The following DOCK7 variants were observed in gnomAD, a reference collection of about 807,000 sequenced individuals.
The protein encoded by DOCK7 is dedicator of cytokinesis protein 7.
Under a neutral mutation model 271.0 loss-of-function variants are expected in DOCK7, and 138 were observed. The ratio of observed to expected loss-of-function variants is 0.51; its 90% CI spans 0.44 to 0.59. The LOEUF (loss-of-function observed/expected upper bound fraction) is 0.59. DOCK7 is among the 20% of genes least tolerant of loss of function. The pLI is 0.00. For missense variants in DOCK7, 2,066 were observed against 2,592.4 expected, an observed-to-expected ratio of 0.80 and a Z score of 4.41; for synonymous variants, 823 against 876.1, an observed-to-expected ratio of 0.94 and a Z score of 1.07.
intron 14 of DOCK7, among the ~76,000 whole-genome samples, chr1:62,610,297 C>T (rs1024485562): frequency 1.3e-5 from 2 of 151,968 alleles, no homozygotes; most frequent in Non-Finnish European, 2.9e-5. Context: ...AAAACCAATA[C>T]TTTCTGAAGC....
At chr1:62,557,451 C>T (rs1312322519) in intron 20 of DOCK7, among the ~76,000 whole-genome samples, 2 of 151,378 alleles carry the variant, frequency 1.3e-5, no homozygotes, top group Non-Finnish European at 2.9e-5. Context: ...TTTTGCCCTA[C>T]TCAACCCTGC....
chr1:62,555,993 T>C lies in DOCK7; in HGVS notation c.2432-4A>G, dbSNP rs1404106676. On this transcript the variant is annotated splice_region_variant and splice_polypyrimidine_tract_variant and intron_variant, in intron 20 of 49. Transcript: ENST00000635253. The stretch of plus-strand genomic sequence containing the variant: ...AAAGATGCTTGACCTAGGTTAACTT[T>C]TAAGAAAGAAGAAGTATTTACCTTT... 4 of 1,612,124 alleles carry C rather than the reference T, an allele frequency of 2.5e-6. No homozygotes were observed. Among genetic ancestry groups the C allele is most frequent in the Admixed American group, 1.7e-5 (1 of 59,516 alleles).
At chr1:62,549,862 C>T (rs535486960) in intron 22 of DOCK7, among the ~76,000 whole-genome samples, 6 of 152,266 alleles carry the variant, frequency 3.9e-5, no homozygotes, top group South Asian at 2.1e-4. Flanking sequence ...ATTCTACTCT[C>T]CATCTCCATG....
chr1:62,644,357 T>G (rs1234181592), intron 7 of DOCK7, among the ~76,000 whole-genome samples: 4 of 152,246 alleles, frequency 2.6e-5, no homozygotes, highest in African/African-American at 9.6e-5. Flanking sequence ...AGAGCCGAAG[T>G]TGCAGCAAAC....
chr1:62,528,198 A>C lies in DOCK7; in HGVS notation c.3889T>G (p.Ser1297Ala). ...CCAGGCCTTGTTAGTTGAGGGACCG[A>C]TGTCCCTGCGATTGCCATGGCAACG... ...QTVAMAIAGT[S>A]VPQLTRPGSF... The change falls in exon 31 of 50, where the codon TCG (serine) becomes GCG (alanine). Residue 1297 changes from serine to alanine, a missense_variant. By Grantham distance (99) the Ser-to-Ala change is moderately conservative (BLOSUM62 1). This residue lies in a region of DOCK7 where 1,414 missense variants were observed against 1,670.4 expected (regional missense o/e 0.85). Coordinates refer to ENST00000635253, the MANE Select transcript of DOCK7 (RefSeq NM_001367561.1). 2.5e-6 allele frequency: 4 copies of C among 1,613,808 alleles called. No homozygotes were observed. In the East Asian group the frequency reaches 8.9e-5, roughly 36 times the overall value.
At chr1:62,518,673 G>C (rs1403921759) in intron 31 of DOCK7, among the ~76,000 whole-genome samples, 2 of 151,820 alleles carry the variant, frequency 1.3e-5, no homozygotes, top group African/African-American at 2.4e-5. Flanking sequence ...CTGGGAGGCA[G>C]AGCCTGCAGT....
intron 7 of DOCK7, among the ~76,000 whole-genome samples, chr1:62,643,536 C>G (rs546943489): frequency 2.6e-5 from 4 of 152,062 alleles, no homozygotes; most frequent in African/African-American, 9.7e-5. Context: ...TCTCTCTGGC[C>G]GCTTTTAATA....
At chr1:62,580,586 C>G (rs1392525707) in intron 16 of DOCK7, among the ~76,000 whole-genome samples, 6 of 152,034 alleles carry the variant, frequency 3.9e-5, no homozygotes, top group Non-Finnish European at 8.8e-5. Flanking sequence ...AATTAAATAT[C>G]TAAGAGAGTT....
intron 14 of DOCK7, chr1:62,601,658 GA>G: frequency 1.3e-6 from 1 of 743,964 alleles, no homozygotes. Flanking sequence ...AAACATTACT[GA>G]AAAAATGCTA....
At position 62,506,043 on chromosome 1, in the gene DOCK7, C is replaced by A. The variant is rs1646926722; in HGVS notation, c.4477-227G>T. Reference sequence around the variant, plus strand: ...TAAATATAATTTAAATGAGAAAAAACAGGAGTAAGATACAATGGCAAGAAA... The same window carrying A: ...TAAATATAATTTAAATGAGAAAAAAAAGGAGTAAGATACAATGGCAAGAAA... On this transcript the variant is annotated intron_variant, in intron 35 of 49. Transcript: ENST00000635253. Among the ~76,000 whole-genome samples the A allele has an allele frequency of 2.0e-5, 3 of 151,816 alleles. No homozygotes were observed. The South Asian group carries it at 6.3e-4, about 32-fold the overall frequency.
chr1:62,487,007 A>G (rs1646314294), intron 43 of DOCK7: 1 of 156,062 alleles, frequency 6.4e-6, no homozygotes, highest in South Asian at 2.0e-4. Context: ...GAAATAGAGT[A>G]TTTTTTATTT....
chr1:62,675,797 A>T (rs911400484), intron 1 of DOCK7, among the ~76,000 whole-genome samples: 23 of 152,284 alleles, frequency 1.5e-4, no homozygotes, highest in African/African-American at 4.6e-4. Context: ...AGAAGAAAAA[A>T]AAAAGGCACT....
chr1:62,579,695 G>GAAAA (rs34924913), intron 16 of DOCK7, among the ~76,000 whole-genome samples: 17 of 63,888 alleles, frequency 2.7e-4, no homozygotes, highest in South Asian at 6.4e-4. Flanking sequence ...GAGTGAGACC[G>GAAAA]AAAAAAAAAA....
At chr1:62,547,397 C>A (rs1257247159) in intron 22 of DOCK7, among the ~76,000 whole-genome samples, 2 of 152,124 alleles carry the variant, frequency 1.3e-5, no homozygotes, top group Admixed American at 1.3e-4. Context: ...TGTGTGCCCA[C>A]GTGTATGTAA....
At chr1:62,479,224 T>C (rs1296035233) in intron 43 of DOCK7, among the ~76,000 whole-genome samples, 1 of 152,058 alleles carries the variant, frequency 6.6e-6, no homozygotes, top group Non-Finnish European at 1.5e-5. Flanking sequence ...ATGCCACACA[T>C]AATTAAGCAA....
rs371529266 is a variant in DOCK7, at chr1:62,654,065, A to G, written c.239T>C (p.Ile80Thr). ...TTCAATATCATCTGGAGGAAATTCA[A>G]TCAAATCCCGTAAAGGCCCAGAATC... ...AVDSGPLRDL[I>T]EFPPDDIEVV... is the part of the protein sequence containing the mutation. The change falls in exon 3 of 50, where the codon ATT becomes ACT. Residue 80 changes from isoleucine to threonine, a missense_variant. By Grantham distance (89) the Ile-to-Thr change is moderately conservative. This residue lies in a region of DOCK7 where 1,414 missense variants were observed against 1,670.4 expected (regional missense o/e 0.85). Transcript: ENST00000635253. 26 of 1,613,888 alleles carry G rather than the reference A, an allele frequency of 1.6e-5. No individual in the cohort carries two copies. Among genetic ancestry groups the G allele is most frequent in the Middle Eastern group, 1.6e-4 (1 of 6,082 alleles).
chr1:62,541,159 C>T (rs192395558), intron 25 of DOCK7, among the ~76,000 whole-genome samples: 2 of 30,318 alleles, frequency 6.6e-5, no homozygotes, highest in African/African-American at 1.2e-4. Context: ...AGGCTGAAGA[C>T]GAAGGTGAAG....
intron 18 of DOCK7, among the ~76,000 whole-genome samples, chr1:62,570,671 A>G (rs954522857): frequency 6.6e-6 from 1 of 152,116 alleles, no homozygotes; most frequent in Admixed American, 6.6e-5. Context: ...AAAGGGTACA[A>G]TAACCAAAAC....
chr1:62,604,765 T>C (rs1360812753), intron 14 of DOCK7: 20 of 1,612,972 alleles, frequency 1.2e-5, no homozygotes, highest in Middle Eastern at 1.6e-4. Flanking sequence ...TTATACTCTA[T>C]AAAATCAACC....
Sources: allele counts gnomAD v4.1 joint callset (sites outside exome capture counted in the v4.1 genomes callset), GRCh38; gene constraint gnomAD v4.1.1; regional missense constraint gnomAD v4.1.1; transcripts MANE v1.5; gene names NCBI Gene and HGNC (gene_info 2026-07-23, HGNC 2026-07-21).